The following ARAP3 variants were observed in gnomAD, a reference collection of about 807,000 sequenced individuals.
ARAP3 encodes the protein arf-GAP with Rho-GAP domain, ANK repeat and PH domain-containing protein 3.
Under a neutral mutation model 169.2 loss-of-function variants are expected in ARAP3, and 82 were observed. That is an observed-to-expected ratio of 0.48 (90% CI 0.41 to 0.58). ARAP3 has a LOEUF of 0.58. Among genes scored for constraint, ARAP3 ranks in the 20% least tolerant of loss-of-function variants. The probability of loss-of-function intolerance (pLI) is 0.00; values close to 1 mark genes in which losing one functional copy is unlikely to be tolerated. For synonymous variants in ARAP3, 791 were observed against 800.3 expected (o/e 0.99, Z 0.20); for missense variants, 1,764 against 2,018.0 (o/e 0.87, Z 2.41).
Position 141,666,346 on chromosome 5 carries a change from C to A in ARAP3, c.2572+78G>T, listed in dbSNP as rs560418391. On this transcript the variant is annotated intron_variant, in intron 17 of 32. Transcript: ENST00000239440. ...ATGTTCTGCTGTTTCCCATAAGAACCCCCAAATAATAAAGGTCTGCTTCCA... is the reference window on the plus strand; with the variant it reads ...ATGTTCTGCTGTTTCCCATAAGAACACCCAAATAATAAAGGTCTGCTTCCA... 1.4e-4 allele frequency: 184 copies of A among 1,296,542 alleles called. 2 individuals carry two copies. The African/African-American group carries it at 1.6e-3, about 11-fold the overall frequency. The allele number at this position is 1,296,542 out of a possible 1,614,324, so 80.3% of individuals were successfully genotyped here.
Position 141,679,803 on chromosome 5 carries a change from T to C in ARAP3, c.544A>G (p.Ile182Val), listed in dbSNP as rs771395580. 3.1e-6 allele frequency: 5 copies of C among 1,612,720 alleles called. No individual in the cohort carries two copies. The highest frequency in any genetic ancestry group is 1.1e-5 in the South Asian group (1 of 91,032). Residue 182 changes from isoleucine to valine, a missense_variant, in exon 3 of 33, where the codon ATC becomes GTC. By Grantham distance (29) the Ile-to-Val change is conservative. Coordinates refer to ENST00000239440, the MANE Select transcript of ARAP3 (RefSeq NM_022481.6). ...CTGAGGGCAGGGGTGGGGGCAGAGATTTGGGAGCTGTCTGGGGCCCTGAAG... is the reference window on the plus strand; with the variant it reads ...CTGAGGGCAGGGGTGGGGGCAGAGACTTGGGAGCTGTCTGGGGCCCTGAAG... ...AQDKAPDSSQISAPTPALRPT... is the reference protein window; with the variant it reads ...AQDKAPDSSQVSAPTPALRPT...
intron 21 of ARAP3, among the ~76,000 whole-genome samples, chr5:141,661,428 T>C (rs2099909956): frequency 6.6e-6 from 1 of 152,166 alleles, no homozygotes; most frequent in African/African-American, 2.4e-5. Context: ...ATTACTTCCT[T>C]TTAGAAATGA....
rs184876109 is a variant in ARAP3 at position 141,672,705 on chromosome 5, G to C, written c.1278+36C>G. On this transcript the variant is annotated intron_variant, in intron 8 of 32. Transcript: ENST00000239440. The surrounding 1 kb of genome is among the most constrained non-coding windows in gnomAD (Gnocchi z 4.9). ...CATCATGAGGTGCCAGAAGGGACTA[G>C]TTCAGGCCCCTCAGCCCTGGCCCGG... 2 of 1,614,150 alleles carry C rather than the reference G, an allele frequency of 1.2e-6. No individual in the cohort carries two copies. The highest frequency in any genetic ancestry group is 2.7e-5 in the African/African-American group (2 of 75,060).
rs532309740 is a variant in ARAP3 at position 141,672,673 on chromosome 5, G to A, written c.1279-15C>T. 10 of 1,613,912 alleles carry A rather than the reference G, an allele frequency of 6.2e-6. No homozygotes were observed. In the East Asian group the frequency reaches 1.8e-4, roughly 29 times the overall value. On this transcript the variant is annotated splice_polypyrimidine_tract_variant and intron_variant, in intron 8 of 32. Transcript: ENST00000239440. This position sits in a 1 kb window ranked among gnomAD's most constrained non-coding sequence, Gnocchi z 4.9. Reference sequence around the variant, plus strand: ...AGAGAGAAGGCCTGGTGGGGTCAGGGGGTGGGCATCATGAGGTGCCAGAAG... The same window carrying A: ...AGAGAGAAGGCCTGGTGGGGTCAGGAGGTGGGCATCATGAGGTGCCAGAAG...
rs193132508 is a variant in ARAP3, at chr5:141,669,582, G to A, written c.2352+127C>T. ...AGTGCTTAACACAGGGCCTGGCACA[G>A]AATATGTGCTCAGTCACCCTTAGCT... On this transcript the variant is annotated intron_variant, in intron 16 of 32. Coordinates refer to ENST00000239440, the MANE Select transcript of ARAP3 (RefSeq NM_022481.6). The A allele has an allele frequency of 1.3e-4, 117 of 868,448 alleles. No homozygotes were observed. The African/African-American group carries it at 1.8e-3, about 13-fold the overall frequency. 53.8% of individuals were successfully genotyped at this position (868,448 alleles called of 1,614,324 possible).
chr5:141,672,821 T>C lies in ARAP3; in HGVS notation c.1198A>G (p.Met400Val). ...PQPPRPLRTG[M>V]LELRGHKAKV... ...GCCTTGTGTCCACGCAGCTCCAGCA[T>C]GCCCGTGCGGAGGGGTCGGGGTGGT... The change falls in exon 8 of 33, where the codon ATG (methionine) becomes GTG (valine). Residue 400 changes from methionine to valine, a missense_variant. Physicochemically the swap from Met to Val is conservative, Grantham distance 21. Transcript: ENST00000239440. The surrounding 1 kb of genome is among the most constrained non-coding windows in gnomAD (Gnocchi z 4.9). 8.5e-7 allele frequency: 1 copy of C among 1,180,786 alleles called. No homozygotes were observed. Among genetic ancestry groups the C allele is most frequent in the Non-Finnish European group, 1.2e-6 (1 of 850,112 alleles). The allele number at this position is 1,180,786 out of a possible 1,614,324, so 73.1% of individuals were successfully genotyped here. A position where few individuals can be genotyped will look rare whatever the true frequency, so the allele number is the denominator to read the frequency against.
Position 141,662,172 on chromosome 5 carries a change from G to T in ARAP3, c.2884C>A (p.Arg962=), listed in dbSNP as rs1159308682. ...RLLAEFRRDA[R]SVKLRPGEHF... ...TCCCCTGGTCGGAGCTTCACCGACCGGGCATCCCGACGGAACTCAGCCAGG... is the reference window on the plus strand; with the variant it reads ...TCCCCTGGTCGGAGCTTCACCGACCTGGCATCCCGACGGAACTCAGCCAGG... Residue 962 remains arginine (R), a synonymous_variant, in exon 20 of 33, where the codon CGG becomes AGG. Transcript: ENST00000239440. 1.2e-6 allele frequency: 2 copies of T among 1,614,210 alleles called. No homozygotes were observed. The highest frequency in any genetic ancestry group is 8.5e-7 in the Non-Finnish European group (1 of 1,180,040).
chr5:141,669,475 A>T (rs1471203947), intron 16 of ARAP3, among the ~76,000 whole-genome samples: 10 of 152,180 alleles, frequency 6.6e-5, no homozygotes, highest in Non-Finnish European at 1.5e-4. Context: ...GTGAATTCGT[A>T]AACTCTAAAA....
chr5:141,662,148 CCCCTGGT>C lies in ARAP3; in HGVS notation c.2901_2907del (p.Pro968SerfsTer22), dbSNP rs1251211993. 1 of 1,614,212 alleles carries C rather than the reference CCCCTGGT, an allele frequency of 6.2e-7. No individual in the cohort carries two copies. The highest frequency in any genetic ancestry group is 1.1e-5 in the South Asian group (1 of 91,092). On this transcript the variant is annotated frameshift_variant, in exon 20 of 33. Transcript: ENST00000239440. LOFTEE classifies it high-confidence loss of function. Reference sequence around the variant, plus strand: ...TCAGTGACATCCTCCACAAAGTGCTCCCCTGGTCGGAGCTTCACCGACCGGGCATCCC... The same window carrying C: ...TCAGTGACATCCTCCACAAAGTGCTCCGGAGCTTCACCGACCGGGCATCCC...
rs117627381 is a variant in ARAP3 at position 141,660,215 on chromosome 5, G to A, written c.3120-289C>T. ...GCTATAGAAAATATATACATGGGCCGGGCGCGGTGGCTCACGCTTGTAATC... is the reference window on the plus strand; with the variant it reads ...GCTATAGAAAATATATACATGGGCCAGGCGCGGTGGCTCACGCTTGTAATC... On this transcript the variant is annotated intron_variant, in intron 21 of 32. Transcript: ENST00000239440. 9.3e-4 allele frequency among the ~76,000 whole-genome samples: 142 copies of A among 152,262 alleles called. 2 individuals are homozygous for A. In the East Asian group the frequency reaches 0.025, roughly 27 times the overall value.
chr5:141,661,633 G>C (rs1212014100), intron 21 of ARAP3, 51 bp downstream of exon 21: 1 of 1,495,610 alleles, frequency 6.7e-7, no homozygotes, highest in East Asian at 2.3e-5. Flanking sequence ...TGAAAGTGCA[G>C]GGTCAGATTG....
At position 141,680,122 on chromosome 5, in the gene ARAP3, C is replaced by G. The variant is rs1361661850; in HGVS notation, c.365G>C (p.Gly122Ala). The G allele has an allele frequency of 1.2e-6, 2 of 1,611,630 alleles. No individual in the cohort carries two copies. The highest frequency in any genetic ancestry group is 1.1e-5 in the South Asian group (1 of 90,888). The change falls in exon 2 of 33, where the codon GGA (glycine) becomes GCA (alanine). Residue 122 changes from glycine (G) to alanine (A), a missense_variant. This residue lies in a region of ARAP3 where 630 missense variants were observed against 678.7 expected (regional missense o/e 0.93). Coordinates refer to ENST00000239440, the MANE Select transcript of ARAP3 (RefSeq NM_022481.6). Reference protein sequence around the residue: ...QRPGLSPALGGPGVSRSPEPS... With the variant: ...QRPGLSPALGAPGVSRSPEPS... ...CTCTGGGCTCCTGGACACTCCTGGT[C>G]CCCCGAGGGCTGGGCTCAGCCCAGG... is the stretch of plus-strand genomic sequence containing the variant.
intron 16 of ARAP3, 146 bp from the exon 17 acceptor site, chr5:141,666,789 G>C: frequency 2.3e-6 from 1 of 440,400 alleles, no homozygotes; most frequent in Non-Finnish European, 4.0e-6. Flanking sequence ...AAAGGGATGC[G>C]AGAGAGCAGA....
Sources: allele counts gnomAD v4.1 joint callset (sites outside exome capture counted in the v4.1 genomes callset), GRCh38; gene constraint gnomAD v4.1.1; regional missense constraint gnomAD v4.1.1; non-coding constraint Gnocchi (gnomAD v3.1); transcripts MANE v1.5; gene names NCBI Gene and HGNC (gene_info 2026-07-23, HGNC 2026-07-21).